The following CNBD1 variants were observed in gnomAD, a reference collection of about 807,000 sequenced individuals.
CNBD1 encodes the protein cyclic nucleotide-binding domain-containing protein 1.
A neutral mutation model predicts 54.4 loss-of-function variants in CNBD1; 71 were observed. That is an observed-to-expected ratio of 1.30 (90% CI 1.08 to 1.59). The LOEUF is 1.59. Ranked by LOEUF, CNBD1 falls within the 40% of genes most tolerant of loss-of-function variation. CNBD1 has a pLI of 0.00. For missense variants in CNBD1, 659 were observed against 518.0 expected, an observed-to-expected ratio of 1.27 and a Z score of -2.64; for synonymous variants, 182 against 170.7, an observed-to-expected ratio of 1.07 and a Z score of -0.51.
At chr8:87,276,440 G>A (rs940200830) in intron 6 of CNBD1, among the ~76,000 whole-genome samples, 1 of 151,810 alleles carries the variant, frequency 6.6e-6, no homozygotes, top group Non-Finnish European at 1.5e-5. Flanking sequence ...GGATGCCATG[G>A]TCTGGTTGCT....
chr8:87,254,425 A>T (rs1287467768), intron 6 of CNBD1, among the ~76,000 whole-genome samples: 1 of 152,212 alleles, frequency 6.6e-6, no homozygotes, highest in Non-Finnish European at 1.5e-5. Context: ...TTGTCATGAT[A>T]AGTATTATAA....
At chr8:87,391,867 T>A (rs1318722699) in intron 2 of CNBD1, among the ~76,000 whole-genome samples, 1 of 152,052 alleles carries the variant, frequency 6.6e-6, no homozygotes, top group Non-Finnish European at 1.5e-5. Context: ...AAAACTTTTG[T>A]GCTGCAAATG....
In CNBD1 at chr8:86,978,516, T is replaced by G. The variant is rs541626909; in HGVS notation, c.431+38762T>G. Among the ~76,000 whole-genome samples the G allele has an allele frequency of 4.0e-5, 6 of 151,074 alleles. No individual in the cohort carries two copies. In the South Asian group the frequency reaches 1.3e-3, roughly 31 times the overall value. ...CTCCTAATAATGCTTTTTACATTTG[T>G]AAAGGACATGCTTTTATCTTTTTTT... On this transcript the variant is annotated intron_variant, in intron 4 of 10. Transcript: ENST00000518476.
intron 6 of CNBD1, among the ~76,000 whole-genome samples, chr8:87,259,824 T>A (rs1367823996): frequency 6.6e-6 from 1 of 152,166 alleles, no homozygotes; most frequent in Non-Finnish European, 1.5e-5. Flanking sequence ...CCGCTTTTAA[T>A]TAAGCTGAGT....
chr8:86,979,429 G>A (rs56210613), intron 4 of CNBD1, among the ~76,000 whole-genome samples: 106,075 of 108,898 alleles, frequency 0.97, 51,705 homozygotes, highest in South Asian at 0.99. Context: ...AAAAAAAAAA[G>A]GCAAAAACAA....
intron 4 of CNBD1, among the ~76,000 whole-genome samples, chr8:87,135,958 T>C (rs1040473071): frequency 2.6e-5 from 4 of 152,060 alleles, no homozygotes; most frequent in Admixed American, 6.6e-5. Flanking sequence ...GTCAGTGGTA[T>C]GTATGGATAA....
chr8:87,275,548 A>G (rs1808460049), intron 6 of CNBD1, among the ~76,000 whole-genome samples: 3 of 151,802 alleles, frequency 2.0e-5, no homozygotes. Flanking sequence ...ACTCTCAATA[A>G]ATTAGGTATT....
At chr8:87,297,556 A>G (rs2130879299) in intron 8 of CNBD1, among the ~76,000 whole-genome samples, 1 of 152,286 alleles carries the variant, frequency 6.6e-6, no homozygotes, top group Middle Eastern at 3.4e-3. Context: ...TATCTTATAA[A>G]TCACTTTAAT....
rs543798082 is a variant in CNBD1, at chr8:86,937,593, T to C, written c.273-2003T>C. Reference sequence around the variant, plus strand: ...TTTTGACTTCTGTGCACCTGCAGGCTCAACACCATGTGTAAACTTGCACCC... The same window carrying C: ...TTTTGACTTCTGTGCACCTGCAGGCCCAACACCATGTGTAAACTTGCACCC... On this transcript the variant is annotated intron_variant, in intron 3 of 10. Transcript: ENST00000518476. Among the ~76,000 whole-genome samples the C allele has an allele frequency of 2.0e-5, 3 of 152,304 alleles. No homozygotes were observed. In the East Asian group the frequency reaches 5.8e-4, roughly 29 times the overall value.
intron 4 of CNBD1, among the ~76,000 whole-genome samples, chr8:87,170,595 G>A (rs532768704): frequency 3.3e-5 from 5 of 152,006 alleles, no homozygotes; most frequent in Non-Finnish European, 7.4e-5. Context: ...TCTGTCATAC[G>A]TGGCTTTCAT....
At chr8:86,923,341 C>T (rs1421980408) in intron 3 of CNBD1, among the ~76,000 whole-genome samples, 1 of 152,222 alleles carries the variant, frequency 6.6e-6, no homozygotes, top group African/African-American at 2.4e-5. Flanking sequence ...GCTTGGCCCA[C>T]AGCCATTCCA....
intron 9 of CNBD1, among the ~76,000 whole-genome samples, chr8:87,352,262 C>T (rs532913937): frequency 1.5e-4 from 23 of 152,082 alleles, no homozygotes; most frequent in African/African-American, 2.2e-4. Context: ...GGGCGGATCA[C>T]GAGATCAGGA....
At chr8:87,139,684 G>A (rs1197822192) in intron 4 of CNBD1, among the ~76,000 whole-genome samples, 1 of 152,124 alleles carries the variant, frequency 6.6e-6, no homozygotes, top group Non-Finnish European at 1.5e-5. Context: ...AGCCATAAAT[G>A]ATAGCACAAC....
At chr8:86,884,166 C>CA (rs1189761530) in intron 1 of CNBD1, among the ~76,000 whole-genome samples, 3 of 149,776 alleles carry the variant, frequency 2.0e-5, no homozygotes, top group Admixed American at 6.6e-5. Flanking sequence ...CAAAACAAAA[C>CA]AAAACAAAAC....
At chr8:87,176,496 T>TG in intron 4 of CNBD1, among the ~76,000 whole-genome samples, 1 of 151,558 alleles carries the variant, frequency 6.6e-6, no homozygotes, top group East Asian at 1.9e-4. Flanking sequence ...TTTTTTTTTT[T>TG]TTTTGAGATG....
At chr8:86,894,288 C>T (rs1743935014) in intron 2 of CNBD1, among the ~76,000 whole-genome samples, 1 of 150,824 alleles carries the variant, frequency 6.6e-6, no homozygotes, top group Non-Finnish European at 1.5e-5. Context: ...GTCTCGATCT[C>T]CTGACCTCAT....
intron 4 of CNBD1, among the ~76,000 whole-genome samples, chr8:87,119,253 T>C (rs1811843300): frequency 6.6e-6 from 1 of 152,094 alleles, no homozygotes; most frequent in Admixed American, 6.5e-5. Flanking sequence ...TCACCTTCAA[T>C]TTCTTTCATC....
chr8:87,327,657 C>T (rs950835899), intron 8 of CNBD1, among the ~76,000 whole-genome samples: 7 of 152,198 alleles, frequency 4.6e-5, no homozygotes, highest in Non-Finnish European at 7.3e-5. Flanking sequence ...CGCCCTGCTT[C>T]GGCTCGTGCC....
intron 10 of CNBD1, among the ~76,000 whole-genome samples, chr8:87,363,747 G>T (rs746545325): frequency 1.2e-4 from 19 of 152,018 alleles, no homozygotes; most frequent in Non-Finnish European, 2.8e-4. Context: ...GTGGATTCTG[G>T]ATATTAGCCC....
Sources: gnomAD v4.1 joint callset for allele counts (sites outside exome capture counted in the v4.1 genomes callset) on GRCh38, gnomAD v4.1.1 for gene constraint, MANE v1.5 for transcripts, NCBI Gene and HGNC (gene_info 2026-07-23, HGNC 2026-07-21) for gene names.